Variants in MAPK8IP3 observed in about 807,000 individuals in gnomAD.
MAPK8IP3 encodes the protein C-Jun-amino-terminal kinase-interacting protein 3.
Under a neutral mutation model 157.8 loss-of-function variants are expected in MAPK8IP3, and 49 were observed. The ratio of observed to expected loss-of-function variants is 0.31; its 90% confidence interval spans 0.25 to 0.39. MAPK8IP3 has a LOEUF of 0.39. Ranked by LOEUF, MAPK8IP3 falls within the 10% of genes least tolerant of loss-of-function variation. MAPK8IP3 has a pLI of 1.00. For synonymous variants in MAPK8IP3, 897 were observed against 777.7 expected (o/e 1.15, Z -2.55); for missense variants, 1,478 against 1,889.4 (o/e 0.78, Z 4.04).
At chr16:1,740,683 G>A (rs539016494) in intron 4 of MAPK8IP3, among the ~76,000 whole-genome samples, 8 of 152,310 alleles carry the variant, frequency 5.3e-5, no homozygotes, top group African/African-American at 1.9e-4. Context: ...CGTGTCTGTC[G>A]CTGCCCTGCA....
Position 1,767,206 on chromosome 16 carries a change from C to G in MAPK8IP3, c.3146C>G (p.Ser1049Cys), listed in dbSNP as rs200147332. The change falls in exon 26 of 32, where the codon TCC becomes TGC. Residue 1049 changes from serine (S) to cysteine (C), a missense_variant. Coordinates refer to ENST00000610761, the MANE Select transcript of MAPK8IP3 (RefSeq NM_001318852.2). ...HLMDLGHPHH[S>C]IRCMAVVYDR... ...ATGGACCTGGGCCACCCGCACCACTCCATCCGCTGCATGGCTGTTGTGTAC... is the reference window on the plus strand; with the variant it reads ...ATGGACCTGGGCCACCCGCACCACTGCATCCGCTGCATGGCTGTTGTGTAC... 5.6e-5 allele frequency: 90 copies of G among 1,613,434 alleles called. No homozygotes were observed. In the African/African-American group the frequency reaches 7.9e-4, roughly 14 times the overall value.
In MAPK8IP3 at chr16:1,762,464, G is replaced by A. The variant is rs2042007733; in HGVS notation, c.1653G>A (p.Arg551=). Residue 551 remains arginine, a synonymous_variant, in exon 14 of 32, where the codon CGG becomes CGA. Coordinates refer to ENST00000610761, the MANE Select transcript of MAPK8IP3 (RefSeq NM_001318852.2). ...TGATGGAGCTGCAGGAGGCTGTGCG[G>A]TGGACTGAGATGATCAGGTGGGAGT... ...ERLMELQEAV[R]WTEMIRASRE... is the part of the protein sequence containing the mutation. The A allele has an allele frequency of 6.2e-7, 1 of 1,611,180 alleles. No homozygotes were observed. The highest frequency in any genetic ancestry group is 1.7e-5 in the Admixed American group (1 of 59,646).
At chr16:1,718,707 C>T (rs564671343) in intron 1 of MAPK8IP3, among the ~76,000 whole-genome samples, 1 of 151,390 alleles carries the variant, frequency 6.6e-6, no homozygotes, top group Non-Finnish European at 1.5e-5. Flanking sequence ...GCAGGAGAAT[C>T]GCTTGAACCT....
At chr16:1,734,761 C>G (rs1377362358) in intron 4 of MAPK8IP3, among the ~76,000 whole-genome samples, 1 of 152,256 alleles carries the variant, frequency 6.6e-6, no homozygotes, top group African/African-American at 2.4e-5. Context: ...TGAGTCAGTC[C>G]CATCTGCTCA....
At chr16:1,753,437 A>ATTTTT (rs1355800650) in intron 8 of MAPK8IP3, among the ~76,000 whole-genome samples, 4 of 141,250 alleles carry the variant, frequency 2.8e-5, no homozygotes, top group South Asian at 2.5e-4. Context: ...ACCATTATTT[A>ATTTTT]TTTATTTATT....
intron 4 of MAPK8IP3, among the ~76,000 whole-genome samples, chr16:1,735,943 TGTGA>T (rs201038395): frequency 5.6e-4 from 76 of 134,664 alleles, no homozygotes; most frequent in East Asian, 2.5e-3. Flanking sequence ...TGACCGTCTG[TGTGA>T]GTGTGACCGC....
chr16:1,737,057 T>C, intron 4 of MAPK8IP3, among the ~76,000 whole-genome samples: 1 of 83,996 alleles, frequency 1.2e-5, no homozygotes, highest in African/African-American at 4.7e-5. Context: ...ACCGTCCGTG[T>C]GAGCGTCCGT....
At position 1,764,898 on chromosome 16, in the gene MAPK8IP3, C is replaced by A. The variant is rs1231992454; in HGVS notation, c.2281-115C>A. ...GTCCTGGGGGAGGACAGCCATGTCC[C>A]CTCAAGCTGTAGTCAAGGCTGGATC... On this transcript the variant is annotated intron_variant, in intron 19 of 31. Transcript: ENST00000610761. 11 of 1,018,592 alleles carry A rather than the reference C, an allele frequency of 1.1e-5. 1 individual carries two copies. The East Asian group carries it at 2.8e-4, about 26-fold the overall frequency. The allele number at this position is 1,018,592 out of a possible 1,614,324, so 63.1% of individuals were successfully genotyped here.
Position 1,768,880 on chromosome 16 carries a change from C to G in MAPK8IP3, c.*56C>G. 6.3e-7 allele frequency: 1 copy of G among 1,589,150 alleles called. No homozygotes were observed. The highest frequency in any genetic ancestry group is 8.6e-7 in the Non-Finnish European group (1 of 1,168,538). On this transcript the variant is annotated 3_prime_UTR_variant, in exon 32 of 32. Transcript: ENST00000610761. ...ATAGGACCCCCGACCACCTGACCCCCGCCCGGCCCGCGGGGTAGCCAGCCA... is the reference window on the plus strand; with the variant it reads ...ATAGGACCCCCGACCACCTGACCCCGGCCCGGCCCGCGGGGTAGCCAGCCA...
chr16:1,752,498 T>G (rs1271806817), intron 8 of MAPK8IP3: 2 of 363,298 alleles, frequency 5.5e-6, no homozygotes, highest in Non-Finnish European at 1.1e-5. Context: ...ATCCCAGAGC[T>G]TTGGGAGGCC....
intron 4 of MAPK8IP3, among the ~76,000 whole-genome samples, chr16:1,734,036 T>C (rs75024281): frequency 0.048 from 7,317 of 152,318 alleles, 270 homozygotes; most frequent in East Asian, 0.12. Flanking sequence ...CCCCTGCACC[T>C]CTGTGGGAGA....
At chr16:1,750,739 G>A (rs537503818) in intron 8 of MAPK8IP3, among the ~76,000 whole-genome samples, 13 of 151,748 alleles carry the variant, frequency 8.6e-5, no homozygotes, top group South Asian at 2.1e-4. Flanking sequence ...CTGCCTTCCC[G>A]GGTTGAAGCA....
intron 16 of MAPK8IP3, among the ~76,000 whole-genome samples, chr16:1,763,246 C>A (rs1428669315): frequency 6.6e-6 from 1 of 152,238 alleles, no homozygotes; most frequent in East Asian, 1.9e-4. Flanking sequence ...GCTGTGCCCA[C>A]CAACAGTCAG....
Position 1,769,212 on chromosome 16 carries a change from T to G in MAPK8IP3, c.*388T>G. On this transcript the variant is annotated 3_prime_UTR_variant, in exon 32 of 32. Coordinates refer to ENST00000610761, the MANE Select transcript of MAPK8IP3 (RefSeq NM_001318852.2). The stretch of plus-strand genomic sequence containing the variant: ...GGCAGGGGCTCCCCGCCGCCGAGGC[T>G]GCCTGCCCTGGGCCCACCTCTGCAT... The G allele has an allele frequency of 4.1e-6, 1 of 241,164 alleles. No homozygotes were observed. Among genetic ancestry groups the G allele is most frequent in the Non-Finnish European group, 8.3e-6 (1 of 120,962 alleles). 14.9% of individuals were successfully genotyped at this position (241,164 alleles called of 1,614,324 possible). A position where few individuals can be genotyped will look rare whatever the true frequency, so the allele number is the denominator to read the frequency against.
At chr16:1,748,932 G>A (rs1251014008) in intron 8 of MAPK8IP3, 9 of 707,258 alleles carry the variant, frequency 1.3e-5, no homozygotes, top group Non-Finnish European at 2.4e-5. Context: ...GCCAAAATCT[G>A]AGGCTTCTCA....
chr16:1,762,005 G>A (rs113592376), intron 13 of MAPK8IP3, among the ~76,000 whole-genome samples: 4 of 152,268 alleles, frequency 2.6e-5, no homozygotes, highest in South Asian at 2.1e-4. Context: ...GGGACTCGCC[G>A]GCTGTTCTGG....
In MAPK8IP3 at chr16:1,762,386, G is replaced by C; in HGVS notation, c.1575G>C (p.Thr525=). ...CCATGGCCCAGCGCCGCCGCTTCAC[G>C]CGGGTGGAGATGGCCCGTGTGCTCA... The part of the protein sequence containing the change: ...KIPMAQRRRF[T]RVEMARVLME... Residue 525 remains threonine, a synonymous_variant, in exon 14 of 32, where the codon ACG becomes ACC. Transcript: ENST00000610761. 1 of 1,592,158 alleles carries C rather than the reference G, an allele frequency of 6.3e-7. No homozygotes were observed. The highest frequency in any genetic ancestry group is 8.6e-7 in the Non-Finnish European group (1 of 1,169,574).
At chr16:1,761,075 C>T (rs1271663500) in intron 12 of MAPK8IP3, 149 bp from the exon 13 acceptor site, 5 of 660,622 alleles carry the variant, frequency 7.6e-6, no homozygotes, top group Non-Finnish European at 1.4e-5. Context: ...GGGCCCTGAA[C>T]CAAACGGCTG....
At chr16:1,752,767 A>G (rs996901128) in intron 8 of MAPK8IP3, among the ~76,000 whole-genome samples, 2 of 149,806 alleles carry the variant, frequency 1.3e-5, no homozygotes, top group African/African-American at 4.9e-5. Flanking sequence ...AAAAAAAAAA[A>G]GAGAGAAGGA....
Sources: allele counts gnomAD v4.1 joint callset (sites outside exome capture counted in the v4.1 genomes callset), GRCh38; gene constraint gnomAD v4.1.1; transcripts MANE v1.5; gene names NCBI Gene and HGNC (gene_info 2026-07-23, HGNC 2026-07-21).